The following CSMD1 variants were observed in gnomAD, a reference collection of about 807,000 sequenced individuals.
CSMD1 encodes the protein CUB and Sushi multiple domains 1.
Under a neutral mutation model 417.5 loss-of-function variants are expected in CSMD1, and 213 were observed. The observed-to-expected ratio is 0.51, with a 90% CI of 0.46 to 0.57. The LOEUF is 0.57. Among genes scored for constraint, CSMD1 ranks in the 20% least tolerant of loss-of-function variants. CSMD1 has a pLI of 0.00. For missense variants in CSMD1, 6,923 were observed against 4,529.7 expected (o/e 1.53, Z -15.17); for synonymous variants, 2,862 against 1,736.8 (o/e 1.65, Z -16.11).
intron 2 of CSMD1, among the ~76,000 whole-genome samples, chr8:4,479,733 A>T (rs1418517656): frequency 6.6e-6 from 1 of 152,022 alleles, no homozygotes; most frequent in Non-Finnish European, 1.5e-5. Context: ...GTCTCTACTA[A>T]AAATACAAAA....
intron 5 of CSMD1, among the ~76,000 whole-genome samples, chr8:3,832,120 A>G (rs1802414131): frequency 6.6e-6 from 1 of 152,180 alleles, no homozygotes. Context: ...GTGGGCAAAC[A>G]GTAATTCTTT....
intron 3 of CSMD1, among the ~76,000 whole-genome samples, chr8:4,179,513 C>T (rs1315304103): frequency 1.3e-5 from 2 of 150,610 alleles, no homozygotes; most frequent in Middle Eastern, 6.8e-3. Context: ...AGGACGTAGG[C>T]ATGGGCAAAG....
chr8:4,887,373 T>C (rs1803820735), intron 1 of CSMD1, among the ~76,000 whole-genome samples: 1 of 152,076 alleles, frequency 6.6e-6, no homozygotes, highest in East Asian at 1.9e-4. Context: ...TAAGGCTTAT[T>C]TTATGACGTA....
intron 17 of CSMD1, among the ~76,000 whole-genome samples, chr8:3,394,100 C>T (rs1413544135): frequency 2.9e-5 from 4 of 137,896 alleles, no homozygotes; most frequent in Middle Eastern, 4.1e-3. Flanking sequence ...CTGAGGGGTA[C>T]TCCAGGTGAT....
intron 10 of CSMD1, among the ~76,000 whole-genome samples, chr8:3,530,810 T>G (rs36025394): frequency 0.024 from 3,707 of 151,842 alleles, 73 homozygotes; most frequent in Non-Finnish European, 0.038. Context: ...ATTACAGGCA[T>G]GAGCCACCAT....
At chr8:4,264,643 G>A (rs867095305) in intron 3 of CSMD1, among the ~76,000 whole-genome samples, 1 of 152,126 alleles carries the variant, frequency 6.6e-6, no homozygotes, top group Non-Finnish European at 1.5e-5. Flanking sequence ...TCCCACCCAG[G>A]TACATGACAG....
chr8:4,281,959 C>G (rs1336639440), intron 3 of CSMD1, among the ~76,000 whole-genome samples: 1 of 152,168 alleles, frequency 6.6e-6, no homozygotes, highest in Non-Finnish European at 1.5e-5. Context: ...AGGGCTTGAT[C>G]AGGTTTACCA....
At chr8:4,724,093 G>C (rs1037013146) in intron 1 of CSMD1, among the ~76,000 whole-genome samples, 1 of 152,130 alleles carries the variant, frequency 6.6e-6, no homozygotes, top group Non-Finnish European at 1.5e-5. Context: ...ACTTAAGTGA[G>C]CCATTGCAAT....
chr8:3,109,773 A>T (rs1563053697), intron 43 of CSMD1, among the ~76,000 whole-genome samples: 1 of 151,380 alleles, frequency 6.6e-6, no homozygotes, highest in Non-Finnish European at 1.5e-5. Context: ...AACATACACA[A>T]CACACACACA....
intron 3 of CSMD1, among the ~76,000 whole-genome samples, chr8:4,366,806 C>G (rs934033265): frequency 5.9e-5 from 9 of 152,056 alleles, no homozygotes; most frequent in African/African-American, 1.9e-4. Flanking sequence ...GTGCTGCACC[C>G]ATTAACTCGT....
chr8:4,385,391 G>C (rs745721876), intron 3 of CSMD1, among the ~76,000 whole-genome samples: 6 of 152,168 alleles, frequency 3.9e-5, no homozygotes, highest in South Asian at 2.1e-4. Context: ...CATTTGTTCT[G>C]AAGGGCAAAT....
rs568557176 is a variant in CSMD1, at chr8:4,665,588, G to A, written c.86-28030C>T. On this transcript the variant is annotated intron_variant, in intron 1 of 69. Transcript: ENST00000635120. The stretch of plus-strand genomic sequence containing the variant: ...ATCTCTGTAGCTTTGCCTTTCCCAG[G>A]TCATATTAATAGAATCATACAGTGT... Among the ~76,000 whole-genome samples the A allele has an allele frequency of 1.3e-4, 20 of 152,120 alleles. No individual in the cohort carries two copies. In the South Asian group the frequency reaches 3.7e-3, roughly 28 times the overall value.
intron 5 of CSMD1, among the ~76,000 whole-genome samples, chr8:3,792,959 T>A (rs1402441779): frequency 6.6e-6 from 1 of 152,168 alleles, no homozygotes; most frequent in Non-Finnish European, 1.5e-5. Context: ...ACTGCCACTG[T>A]GAAGGATCAC....
intron 26 of CSMD1, among the ~76,000 whole-genome samples, chr8:3,253,527 T>A (rs1480093647): frequency 6.6e-6 from 1 of 152,200 alleles, no homozygotes; most frequent in Non-Finnish European, 1.5e-5. Context: ...TGGAGAGTTC[T>A]GTAGATGTCT....
intron 22 of CSMD1, 32 bp downstream of exon 22, chr8:3,347,960 G>A: frequency 6.7e-7 from 1 of 1,488,610 alleles, no homozygotes; most frequent in Non-Finnish European, 9.0e-7. Flanking sequence ...AAGAAAACTT[G>A]GAGTCATCAT....
chr8:3,921,591 A>G (rs956496713), intron 5 of CSMD1, among the ~76,000 whole-genome samples: 19 of 151,604 alleles, frequency 1.3e-4, no homozygotes, highest in African/African-American at 4.1e-4. Context: ...CTTGGTTTCC[A>G]TTTTCATTTA....
intron 3 of CSMD1, among the ~76,000 whole-genome samples, chr8:4,122,898 T>C (rs1351704150): frequency 1.3e-5 from 2 of 152,298 alleles, no homozygotes; most frequent in East Asian, 1.9e-4. Flanking sequence ...AACTAATAGC[T>C]ACGAGACCCT....
At chr8:3,889,366 T>C (rs1453251602) in intron 5 of CSMD1, among the ~76,000 whole-genome samples, 1 of 149,878 alleles carries the variant, frequency 6.7e-6, no homozygotes, top group East Asian at 2.0e-4. Flanking sequence ...ATTTTGCTTG[T>C]ATTTTTTAAA....
At chr8:4,912,933 C>A (rs149680493) in intron 1 of CSMD1, among the ~76,000 whole-genome samples, 218 of 152,162 alleles carry the variant, frequency 1.4e-3, no homozygotes, top group African/African-American at 4.9e-3. Context: ...CTACAGGCAC[C>A]CACCACCTCA....
Sources: gnomAD v4.1 joint callset for allele counts (sites outside exome capture counted in the v4.1 genomes callset) on GRCh38, gnomAD v4.1.1 for gene constraint, MANE v1.5 for transcripts, NCBI Gene and HGNC (gene_info 2026-07-23, HGNC 2026-07-21) for gene names.